The following C1orf21 variants were observed in gnomAD, a reference collection of about 807,000 sequenced individuals.
C1orf21 encodes the protein chromosome 1 open reading frame 21.
A neutral mutation model predicts 18.7 loss-of-function variants in C1orf21; 3 were observed. The observed-to-expected ratio is 0.16, with a 90% CI of 0.07 to 0.42. The LOEUF is 0.42. C1orf21 is among the 10% of genes least tolerant of loss of function. The pLI is 0.99. For missense variants in C1orf21, 104 were observed against 143.6 expected, an observed-to-expected ratio of 0.72 and a Z score of 1.41; for synonymous variants, 41 against 46.4, an observed-to-expected ratio of 0.88 and a Z score of 0.47.
chr1:184,431,110 A>T (rs1472993465), intron 1 of C1orf21, among the ~76,000 whole-genome samples: 3 of 152,116 alleles, frequency 2.0e-5, no homozygotes, highest in Admixed American at 1.3e-4. Flanking sequence ...AATGCTTGTG[A>T]TTTTTGCACA....
At chr1:184,415,112 A>G (rs1656427909) in intron 1 of C1orf21, among the ~76,000 whole-genome samples, 1 of 152,176 alleles carries the variant, frequency 6.6e-6, no homozygotes, top group African/African-American at 2.4e-5. Context: ...CTCACTCAAC[A>G]TGACATTGTT....
chr1:184,429,494 T>C (rs1571353644), intron 1 of C1orf21, among the ~76,000 whole-genome samples: 2 of 152,338 alleles, frequency 1.3e-5, no homozygotes, highest in East Asian at 3.9e-4. Flanking sequence ...GCAGACAGTT[T>C]TTGTACGTGT....
At chr1:184,607,938 A>G (rs1177555339) in intron 5 of C1orf21, among the ~76,000 whole-genome samples, 2 of 152,172 alleles carry the variant, frequency 1.3e-5, no homozygotes, top group Non-Finnish European at 2.9e-5. Context: ...TACATGGCAT[A>G]TTTACAAATG....
chr1:184,522,301 G>A (rs890976281), intron 3 of C1orf21, among the ~76,000 whole-genome samples: 1 of 152,100 alleles, frequency 6.6e-6, no homozygotes, highest in African/African-American at 2.4e-5. Flanking sequence ...CAAAAGTGTA[G>A]GTACATGTAT....
At chr1:184,608,608 T>G (rs1659684537) in intron 5 of C1orf21, among the ~76,000 whole-genome samples, 2 of 152,212 alleles carry the variant, frequency 1.3e-5, no homozygotes, top group South Asian at 4.1e-4. Context: ...TAACCTGTGT[T>G]TCATAATTCA....
intron 5 of C1orf21, among the ~76,000 whole-genome samples, chr1:184,618,770 G>T (rs1292284614): frequency 6.6e-6 from 1 of 152,082 alleles, no homozygotes; most frequent in Non-Finnish European, 1.5e-5. Flanking sequence ...GGCAGGGCAG[G>T]TGCCCTGTGA....
chr1:184,446,711 GA>G (rs538520267), intron 1 of C1orf21, among the ~76,000 whole-genome samples: 11 of 143,366 alleles, frequency 7.7e-5, no homozygotes, highest in Admixed American at 2.1e-4. Context: ...GGTCCTGAGT[GA>G]AAAAAAAAAC....
At chr1:184,461,065 C>G (rs979398128) in intron 1 of C1orf21, among the ~76,000 whole-genome samples, 2 of 152,132 alleles carry the variant, frequency 1.3e-5, no homozygotes, top group Admixed American at 1.3e-4. Flanking sequence ...TCACCTCACT[C>G]CTGGGACCCA....
At chr1:184,390,734 T>C (rs1202254312) in intron 1 of C1orf21, among the ~76,000 whole-genome samples, 3 of 152,224 alleles carry the variant, frequency 2.0e-5, no homozygotes, top group African/African-American at 7.2e-5. Flanking sequence ...TGTGTAAAGA[T>C]ACTTTTATGA....
At chr1:184,601,986 TTAGA>T (rs1162338558) in intron 5 of C1orf21, among the ~76,000 whole-genome samples, 1 of 152,062 alleles carries the variant, frequency 6.6e-6, no homozygotes, top group African/African-American at 2.4e-5. Flanking sequence ...GGATACAAAA[TTAGA>T]TAGGAATTAT....
intron 3 of C1orf21, among the ~76,000 whole-genome samples, chr1:184,560,130 AG>A (rs1658941500): frequency 6.6e-6 from 1 of 152,210 alleles, no homozygotes; most frequent in African/African-American, 2.4e-5. Flanking sequence ...AGATTATTTA[AG>A]GGGTTAGCAA....
At chr1:184,616,989 C>G (rs1407488448) in intron 5 of C1orf21, among the ~76,000 whole-genome samples, 2 of 152,138 alleles carry the variant, frequency 1.3e-5, no homozygotes, top group South Asian at 2.1e-4. Flanking sequence ...TGGTCATAGT[C>G]CTTACTCACC....
chr1:184,442,849 A>T (rs1656969006), intron 1 of C1orf21, among the ~76,000 whole-genome samples: 1 of 152,200 alleles, frequency 6.6e-6, no homozygotes, highest in African/African-American at 2.4e-5. Flanking sequence ...ATTAATATAC[A>T]TTAATGTGTG....
intron 1 of C1orf21, among the ~76,000 whole-genome samples, chr1:184,435,977 A>G (rs1656851549): frequency 6.6e-6 from 1 of 152,214 alleles, no homozygotes; most frequent in African/African-American, 2.4e-5. Flanking sequence ...AGCCGTTGCC[A>G]TTGCTGTGGG....
At chr1:184,554,706 A>C (rs1658855684) in intron 3 of C1orf21, among the ~76,000 whole-genome samples, 2 of 152,250 alleles carry the variant, frequency 1.3e-5, no homozygotes, top group African/African-American at 2.4e-5. Flanking sequence ...AATGTTTGTA[A>C]ACTTTATGAC....
At chr1:184,604,964 A>G (rs1466478351) in intron 5 of C1orf21, among the ~76,000 whole-genome samples, 1 of 152,244 alleles carries the variant, frequency 6.6e-6, no homozygotes. Flanking sequence ...CATGAGTCCA[A>G]ATAAAAACCA....
At chr1:184,447,311 A>C (rs1348412026) in intron 1 of C1orf21, among the ~76,000 whole-genome samples, 2 of 152,146 alleles carry the variant, frequency 1.3e-5, no homozygotes, top group Admixed American at 1.3e-4. Flanking sequence ...TGCATTTTTT[A>C]GTTGTTAGGT....
intron 3 of C1orf21, among the ~76,000 whole-genome samples, chr1:184,565,579 T>A (rs1187446853): frequency 6.6e-6 from 1 of 152,244 alleles, no homozygotes; most frequent in Non-Finnish European, 1.5e-5. Context: ...TAGTATGACT[T>A]TATTACCTTC....
At chr1:184,484,430 T>C (rs755764603) in intron 2 of C1orf21, among the ~76,000 whole-genome samples, 17 of 152,240 alleles carry the variant, frequency 1.1e-4, no homozygotes, top group Non-Finnish European at 1.9e-4. Flanking sequence ...CTTCAGAAGG[T>C]ATCTCTTTCC....
Sources: allele counts gnomAD v4.1 joint callset (sites outside exome capture counted in the v4.1 genomes callset), GRCh38; gene constraint gnomAD v4.1.1; transcripts MANE v1.5; gene names NCBI Gene and HGNC (gene_info 2026-07-23, HGNC 2026-07-21).